Variants in GUCY1A2 observed in about 807,000 individuals in gnomAD.
The protein encoded by GUCY1A2 is guanylate cyclase 1 soluble subunit alpha 2.
Under a neutral mutation model 63.5 loss-of-function variants are expected in GUCY1A2, and 27 were observed. That is an observed-to-expected ratio of 0.43 (90% CI 0.31 to 0.59). The LOEUF is 0.59. Among genes scored for constraint, GUCY1A2 ranks in the 20% least tolerant of loss-of-function variants. The pLI is 0.11. For missense variants in GUCY1A2, 768 were observed against 913.3 expected (o/e 0.84, Z 2.05); for synonymous variants, 364 against 343.5 (o/e 1.06, Z -0.66).
chr11:107,008,593 T>A (rs957264630), intron 1 of GUCY1A2, among the ~76,000 whole-genome samples: 1 of 152,304 alleles, frequency 6.6e-6, no homozygotes, highest in East Asian at 1.9e-4. Flanking sequence ...CAAACATTTA[T>A]TGAGTGCCTT....
At chr11:106,804,511 G>A (rs1858653438) in intron 5 of GUCY1A2, among the ~76,000 whole-genome samples, 2 of 152,202 alleles carry the variant, frequency 1.3e-5, no homozygotes, top group African/African-American at 4.8e-5. Context: ...CAAGGTGGAA[G>A]TGAAGCATTT....
At chr11:106,936,547 G>A in intron 4 of GUCY1A2, 2 of 573,528 alleles carry the variant, frequency 3.5e-6, no homozygotes, top group East Asian at 5.9e-5. Context: ...TAGGGAGAGA[G>A]AAGAATATGT....
chr11:106,815,426 TG>T (rs1163489271), intron 4 of GUCY1A2, among the ~76,000 whole-genome samples: 2 of 151,914 alleles, frequency 1.3e-5, no homozygotes, highest in Admixed American at 1.3e-4. Flanking sequence ...TTCAACTATA[TG>T]GATTCTAAAT....
chr11:106,877,983 C>T (rs1418855303), intron 4 of GUCY1A2, among the ~76,000 whole-genome samples: 1 of 151,870 alleles, frequency 6.6e-6, no homozygotes, highest in Non-Finnish European at 1.5e-5. Flanking sequence ...CATAAACAGA[C>T]ACTTTTCAAA....
At chr11:106,950,938 G>C (rs1426378117) in intron 3 of GUCY1A2, among the ~76,000 whole-genome samples, 2 of 152,092 alleles carry the variant, frequency 1.3e-5, no homozygotes, top group Non-Finnish European at 2.9e-5. Flanking sequence ...TCCCCTCTCT[G>C]TGACCATGTG....
chr11:106,842,264 T>A (rs1459277346), intron 4 of GUCY1A2, among the ~76,000 whole-genome samples: 11 of 151,922 alleles, frequency 7.2e-5, no homozygotes, highest in Admixed American at 7.2e-4. Context: ...CCATTGCTAG[T>A]CCCTAGGGCT....
chr11:106,997,617 A>AG (rs1861556400), intron 1 of GUCY1A2, among the ~76,000 whole-genome samples: 1 of 119,766 alleles, frequency 8.3e-6, no homozygotes. Context: ...AAGATAGGGA[A>AG]CCCCCCCCCC....
chr11:106,976,304 G>T (rs1349346282), intron 3 of GUCY1A2, among the ~76,000 whole-genome samples: 1 of 151,914 alleles, frequency 6.6e-6, no homozygotes, highest in Non-Finnish European at 1.5e-5. Context: ...TTGAAATGTT[G>T]TTTTCCTGTG....
chr11:106,702,868 C>T lies in GUCY1A2; in HGVS notation c.1991+5644G>A, dbSNP rs149230858. On this transcript the variant is annotated intron_variant, in intron 7 of 7. Coordinates refer to ENST00000526355, the MANE Select transcript of GUCY1A2 (RefSeq NM_000855.3). Reference sequence around the variant, plus strand: ...TGAAAAATGTGAATATGTTAGGTCTCATGGTATGACGTTTAATATTGAGTG... The same window carrying T: ...TGAAAAATGTGAATATGTTAGGTCTTATGGTATGACGTTTAATATTGAGTG... 1.7e-3 allele frequency among the ~76,000 whole-genome samples: 260 copies of T among 152,204 alleles called. 4 individuals are homozygous for T. The highest frequency in any genetic ancestry group is 5.7e-3 in the African/African-American group (238 of 41,548).
chr11:107,012,461 C>T (rs952516324), intron 1 of GUCY1A2, among the ~76,000 whole-genome samples: 1 of 152,080 alleles, frequency 6.6e-6, no homozygotes, highest in Non-Finnish European at 1.5e-5. Context: ...GAAGAATATT[C>T]CTCCTTATAC....
At chr11:107,009,490 A>G (rs1249017100) in intron 1 of GUCY1A2, among the ~76,000 whole-genome samples, 3 of 152,276 alleles carry the variant, frequency 2.0e-5, no homozygotes, top group Middle Eastern at 6.8e-3. Flanking sequence ...ACCTTTTCAA[A>G]TATCTGTTTC....
At chr11:106,823,541 C>G (rs1858929931) in intron 4 of GUCY1A2, among the ~76,000 whole-genome samples, 1 of 152,066 alleles carries the variant, frequency 6.6e-6, no homozygotes, top group Admixed American at 6.5e-5. Flanking sequence ...TTGTGAGGTA[C>G]TGTGATGAAC....
intron 6 of GUCY1A2, among the ~76,000 whole-genome samples, chr11:106,749,401 T>C (rs1863846604): frequency 1.3e-5 from 2 of 152,216 alleles, no homozygotes; most frequent in South Asian, 2.1e-4. Context: ...TCAATCATGT[T>C]ACATAACCCC....
intron 7 of GUCY1A2, among the ~76,000 whole-genome samples, chr11:106,707,008 T>TTAGA (rs950991854): frequency 6.6e-6 from 1 of 152,118 alleles, no homozygotes; most frequent in Non-Finnish European, 1.5e-5. Context: ...TAAGTAATGA[T>TTAGA]TAGATAGAAT....
At chr11:106,873,858 A>C (rs547127428) in intron 4 of GUCY1A2, among the ~76,000 whole-genome samples, 1 of 152,268 alleles carries the variant, frequency 6.6e-6, no homozygotes, top group East Asian at 1.9e-4. Flanking sequence ...GACTAGTTTC[A>C]TCTCATGTCA....
intron 5 of GUCY1A2, among the ~76,000 whole-genome samples, chr11:106,796,797 A>G (rs897523410): frequency 1.3e-5 from 2 of 152,016 alleles, no homozygotes; most frequent in African/African-American, 2.4e-5. Flanking sequence ...TGCTCTCTGT[A>G]TTTCCTGAAT....
intron 1 of GUCY1A2, among the ~76,000 whole-genome samples, chr11:106,988,204 C>A (rs1311828786): frequency 6.6e-6 from 1 of 152,202 alleles, no homozygotes; most frequent in Non-Finnish European, 1.5e-5. Flanking sequence ...AGAAAGCATG[C>A]TTTAACAACC....
At position 106,771,217 on chromosome 11, in the gene GUCY1A2, A is replaced by G. The variant is rs1047477397; in HGVS notation, c.1836+5222T>C. Among the ~76,000 whole-genome samples, 7 of 152,220 alleles carry G rather than the reference A, an allele frequency of 4.6e-5. No homozygotes were observed. The South Asian group carries it at 1.5e-3, about 32-fold the overall frequency. ...CCTTTCCCTATCAACAGTGTTTTTT[A>G]AAGAAAGAATAAGTCATAGGCAGTA... is the stretch of plus-strand genomic sequence containing the variant. On this transcript the variant is annotated intron_variant, in intron 6 of 7. Coordinates refer to ENST00000526355, the MANE Select transcript of GUCY1A2 (RefSeq NM_000855.3).
At chr11:106,906,081 G>C (rs1328271690) in intron 4 of GUCY1A2, among the ~76,000 whole-genome samples, 1 of 151,986 alleles carries the variant, frequency 6.6e-6, no homozygotes, top group Non-Finnish European at 1.5e-5. Context: ...ACAAAAGCTA[G>C]AAGTGACAAA....
Sources: allele counts gnomAD v4.1 joint callset (sites outside exome capture counted in the v4.1 genomes callset), GRCh38; gene constraint gnomAD v4.1.1; transcripts MANE v1.5; gene names NCBI Gene and HGNC (gene_info 2026-07-23, HGNC 2026-07-21).